The following CCSER1 variants were observed in gnomAD, a reference collection of about 807,000 sequenced individuals.
CCSER1 encodes serine-rich coiled-coil domain-containing protein 1.
A neutral mutation model predicts 82.0 loss-of-function variants in CCSER1; 41 were observed. That is an observed-to-expected ratio of 0.50 (90% CI 0.39 to 0.65). CCSER1 has a LOEUF of 0.65. Among genes scored for constraint, CCSER1 ranks in the 30% least tolerant of loss-of-function variants. CCSER1 has a pLI of 0.00. For synonymous variants in CCSER1, 414 were observed against 383.9 expected, an observed-to-expected ratio of 1.08 and a Z score of -0.92; for missense variants, 1,119 against 1,064.2, an observed-to-expected ratio of 1.05 and a Z score of -0.72.
rs190590693 is a variant in CCSER1 at position 91,325,290 on chromosome 4, C to G, written c.2217+239296C>G. 4.3e-3 allele frequency: 1,685 copies of G among 388,304 alleles called. 10 individuals are homozygous for G. The highest frequency in any genetic ancestry group is 5.5e-3 in the Non-Finnish European group (1,096 of 200,630). 24.1% of individuals were successfully genotyped at this position (388,304 alleles called of 1,614,324 possible). A position where few individuals can be genotyped will look rare whatever the true frequency, so the allele number is the denominator to read the frequency against. ...GAAGAAGAAAGAAGAGTTACAAAGGCTTTTTTCCCAAAGAAGCTTTACTTG... is the reference window on the plus strand; with the variant it reads ...GAAGAAGAAAGAAGAGTTACAAAGGGTTTTTTCCCAAAGAAGCTTTACTTG... On this transcript the variant is annotated intron_variant, in intron 10 of 10. Transcript: ENST00000509176.
At chr4:91,230,151 A>G (rs1019850245) in intron 10 of CCSER1, among the ~76,000 whole-genome samples, 42 of 152,286 alleles carry the variant, frequency 2.8e-4, no homozygotes, top group African/African-American at 8.9e-4. Context: ...AACTTTAGCC[A>G]TAAACTTTTC....
At chr4:91,266,229 G>C (rs1741561792) in intron 10 of CCSER1, among the ~76,000 whole-genome samples, 1 of 151,756 alleles carries the variant, frequency 6.6e-6, no homozygotes, top group African/African-American at 2.4e-5. Flanking sequence ...AACTTAAGCT[G>C]GTTGTTTTTT....
chr4:91,310,050 A>G (rs116542032), intron 10 of CCSER1, among the ~76,000 whole-genome samples: 1,738 of 151,916 alleles, frequency 0.011, 39 homozygotes, highest in African/African-American at 0.039. Flanking sequence ...AATCCTCACA[A>G]TCTCCTTATG....
chr4:90,811,910 T>C (rs1454331), intron 7 of CCSER1, among the ~76,000 whole-genome samples: 57 of 113,156 alleles, frequency 5.0e-4, no homozygotes, highest in East Asian at 1.2e-3. Context: ...AATATATATA[T>C]ACACACACAC....
chr4:91,324,517 A>G (rs1746414981), intron 10 of CCSER1, among the ~76,000 whole-genome samples: 1 of 152,148 alleles, frequency 6.6e-6, no homozygotes, highest in South Asian at 2.1e-4. Context: ...CTTAAAGAAA[A>G]ATATTACATA....
chr4:91,413,460 T>C (rs553915767), intron 10 of CCSER1, among the ~76,000 whole-genome samples: 1 of 149,002 alleles, frequency 6.7e-6, no homozygotes, highest in South Asian at 2.1e-4. Context: ...ACCATGTCTC[T>C]CAAAAAAAGA....
At chr4:90,163,385 G>A (rs1218319528) in intron 1 of CCSER1, among the ~76,000 whole-genome samples, 2 of 152,082 alleles carry the variant, frequency 1.3e-5, no homozygotes, top group African/African-American at 4.8e-5. Flanking sequence ...GGTTTACTTT[G>A]TGCATCTATG....
chr4:91,298,713 A>T (rs1744423682), intron 10 of CCSER1, among the ~76,000 whole-genome samples: 1 of 152,034 alleles, frequency 6.6e-6, no homozygotes, highest in Non-Finnish European at 1.5e-5. Context: ...TTTGTTGAGC[A>T]TGGAGGCATC....
chr4:90,847,679 GAA>G (rs1050229696), intron 8 of CCSER1, among the ~76,000 whole-genome samples: 1 of 151,604 alleles, frequency 6.6e-6, no homozygotes, highest in Admixed American at 6.6e-5. Context: ...AAAAACAAGA[GAA>G]AAAAAGGAAA....
chr4:90,858,101 T>C (rs1352152687), intron 8 of CCSER1, among the ~76,000 whole-genome samples: 1 of 152,056 alleles, frequency 6.6e-6, no homozygotes, highest in Non-Finnish European at 1.5e-5. Context: ...AATTCTAGCC[T>C]AGAAATGGAA....
chr4:90,207,484 G>A (rs1327277017), intron 1 of CCSER1, among the ~76,000 whole-genome samples: 1 of 152,062 alleles, frequency 6.6e-6, no homozygotes, highest in Non-Finnish European at 1.5e-5. Context: ...ACCTTCTGAA[G>A]CCTACTTCTG....
rs1763966941 is a variant in CCSER1, at chr4:91,585,899, GAAAGA to G, written c.2218-12669_2218-12665del. 2.6e-5 allele frequency among the ~76,000 whole-genome samples: 4 copies of G among 151,756 alleles called. No homozygotes were observed. In the Admixed American group the frequency reaches 2.6e-4, roughly 10 times the overall value. On this transcript the variant is annotated intron_variant, in intron 10 of 10. Transcript: ENST00000509176. ...TCTTGAAATTCAGTAGGAAGGTATT[GAAAGA>G]AAATAAGAAGGTCAATGGCATGATT...
chr4:91,225,880 G>T (rs1324932239), intron 10 of CCSER1, among the ~76,000 whole-genome samples: 1 of 151,930 alleles, frequency 6.6e-6, no homozygotes, highest in Non-Finnish European at 1.5e-5. Context: ...TAGAATCTGA[G>T]TAACTAAACC....
intron 10 of CCSER1, among the ~76,000 whole-genome samples, chr4:91,294,678 CT>C (rs765728049): frequency 5.9e-5 from 9 of 151,846 alleles, no homozygotes; most frequent in Non-Finnish European, 8.8e-5. Context: ...GTCTCTCCCC[CT>C]GTTTCCGCAT....
chr4:91,132,099 C>G (rs905366933), intron 10 of CCSER1, among the ~76,000 whole-genome samples: 1 of 151,972 alleles, frequency 6.6e-6, no homozygotes, highest in Admixed American at 6.6e-5. Context: ...GCCCAGTGCA[C>G]TCTGATATCT....
intron 9 of CCSER1, among the ~76,000 whole-genome samples, chr4:91,072,899 A>G (rs1721581630): frequency 6.6e-6 from 1 of 152,110 alleles, no homozygotes; most frequent in Admixed American, 6.6e-5. Flanking sequence ...CAAAATGTAA[A>G]TATTTCTGTT....
At chr4:91,579,686 A>G (rs1578843055) in intron 10 of CCSER1, among the ~76,000 whole-genome samples, 1 of 151,886 alleles carries the variant, frequency 6.6e-6, no homozygotes, top group South Asian at 2.1e-4. Flanking sequence ...GCCTTACTGA[A>G]TGAAAGAAAA....
intron 3 of CCSER1, among the ~76,000 whole-genome samples, chr4:90,325,406 C>G (rs1737988077): frequency 6.6e-6 from 1 of 152,000 alleles, no homozygotes; most frequent in East Asian, 1.9e-4. Flanking sequence ...GTTCATATCC[C>G]TTTAAAATTA....
At chr4:90,847,299 G>C (rs947709749) in intron 8 of CCSER1, among the ~76,000 whole-genome samples, 9 of 152,198 alleles carry the variant, frequency 5.9e-5, no homozygotes, top group Admixed American at 2.0e-4. Flanking sequence ...TGCATGGGCT[G>C]TGTGTGCATG....
Sources: gnomAD v4.1 joint callset for allele counts (sites outside exome capture counted in the v4.1 genomes callset) on GRCh38, gnomAD v4.1.1 for gene constraint, MANE v1.5 for transcripts, NCBI Gene and HGNC (gene_info 2026-07-23, HGNC 2026-07-21) for gene names.